Variants in NRG3 observed in about 807,000 individuals in gnomAD.
NRG3 encodes neuregulin 3.
In NRG3, 31 loss-of-function variants were observed where a neutral mutation model predicts 66.9. The ratio of observed to expected loss-of-function variants is 0.46; its 90% CI spans 0.35 to 0.63. NRG3 has a LOEUF of 0.63. Among genes scored for constraint, NRG3 ranks in the 20% least tolerant of loss-of-function variants. The probability of loss-of-function intolerance (pLI) is 0.00; values close to 1 mark genes in which losing one functional copy is unlikely to be tolerated. For missense variants in NRG3, 910 were observed against 878.9 expected (o/e 1.04, Z -0.45); for synonymous variants, 393 against 359.4 (o/e 1.09, Z -1.06).
At chr10:82,696,324 C>T (rs2055377572) in intron 2 of NRG3, among the ~76,000 whole-genome samples, 1 of 151,920 alleles carries the variant, frequency 6.6e-6, no homozygotes, top group Non-Finnish European at 1.5e-5. Context: ...AATTTGTAAT[C>T]ATGATGTATG....
intron 3 of NRG3, among the ~76,000 whole-genome samples, chr10:82,850,288 G>A (rs1178156453): frequency 6.6e-6 from 1 of 152,112 alleles, no homozygotes; most frequent in Non-Finnish European, 1.5e-5. Context: ...GAGCGATGAG[G>A]TTATCAACCA....
chr10:82,110,171 A>G (rs2067301672), intron 1 of NRG3, among the ~76,000 whole-genome samples: 1 of 152,164 alleles, frequency 6.6e-6, no homozygotes, highest in African/African-American at 2.4e-5. Flanking sequence ...TTTTGCCAGG[A>G]TAAGAAGGTT....
chr10:82,593,356 A>T (rs1416585706), intron 2 of NRG3, among the ~76,000 whole-genome samples: 3 of 152,210 alleles, frequency 2.0e-5, no homozygotes, highest in Non-Finnish European at 2.9e-5. Flanking sequence ...ATACCAACAA[A>T]CAAATATTAT....
intron 2 of NRG3, among the ~76,000 whole-genome samples, chr10:82,513,292 C>T (rs547266717): frequency 6.6e-6 from 1 of 152,146 alleles, no homozygotes; most frequent in African/African-American, 2.4e-5. Context: ...GACTTCATTC[C>T]TTTTTATGGC....
intron 3 of NRG3, among the ~76,000 whole-genome samples, chr10:82,807,199 TAA>T (rs1001604822): frequency 7.9e-5 from 12 of 152,160 alleles, no homozygotes; most frequent in Non-Finnish European, 1.5e-5. Flanking sequence ...TCAAAGTACA[TAA>T]AAAGACAAAT....
chr10:81,902,975 G>A (rs1382757908), intron 1 of NRG3, among the ~76,000 whole-genome samples: 1 of 152,004 alleles, frequency 6.6e-6, no homozygotes, highest in Non-Finnish European at 1.5e-5. Context: ...AGTTTGATGG[G>A]ACAGGTACTA....
At chr10:82,253,432 A>T (rs566604727) in intron 1 of NRG3, among the ~76,000 whole-genome samples, 124 of 152,316 alleles carry the variant, frequency 8.1e-4, no homozygotes, top group Admixed American at 1.6e-3. Context: ...TATGACATAC[A>T]TTCAGGTCAT....
intron 1 of NRG3, among the ~76,000 whole-genome samples, chr10:82,310,508 A>T (rs770781216): frequency 2.6e-5 from 4 of 152,226 alleles, no homozygotes; most frequent in Non-Finnish European, 5.9e-5. Context: ...ACAAAATTGA[A>T]AGAAAATGAA....
chr10:82,948,572 T>C (rs1347568600), intron 4 of NRG3, among the ~76,000 whole-genome samples: 2 of 152,136 alleles, frequency 1.3e-5, no homozygotes, highest in African/African-American at 4.8e-5. Context: ...TCCATAAACA[T>C]GTTATATCTA....
rs548000951 is a variant in NRG3, at chr10:82,480,145, A to G, written c.953+121277A>G. Among the ~76,000 whole-genome samples, 184 of 152,380 alleles carry G rather than the reference A, an allele frequency of 1.2e-3. 1 individual carries two copies. Among genetic ancestry groups the G allele is most frequent in the African/African-American group, 4.1e-3 (172 of 41,598 alleles). On this transcript the variant is annotated intron_variant, in intron 2 of 8. Coordinates refer to ENST00000372141, the MANE Select transcript of NRG3 (RefSeq NM_001010848.4). ...ATTTCATTCATAAGAAAGGTCAAAA[A>G]TTCACAAATTTAATTAGGACACAAA...
intron 2 of NRG3, among the ~76,000 whole-genome samples, chr10:82,531,248 A>G (rs1231678574): frequency 6.6e-6 from 1 of 151,766 alleles, no homozygotes; most frequent in Non-Finnish European, 1.5e-5. Flanking sequence ...ACAGGTAATT[A>G]AAAATAATGC....
chr10:82,869,747 A>G (rs1206931443), intron 4 of NRG3, among the ~76,000 whole-genome samples: 1 of 151,856 alleles, frequency 6.6e-6, no homozygotes, highest in African/African-American at 2.4e-5. Context: ...AGCTGGGACT[A>G]CAGGCACCCA....
chr10:82,618,334 A>T (rs766278582), intron 2 of NRG3, among the ~76,000 whole-genome samples: 1 of 151,940 alleles, frequency 6.6e-6, no homozygotes, highest in African/African-American at 2.4e-5. Context: ...ACGGGGGGGA[A>T]TTTATGCGGG....
chr10:82,453,463 C>T (rs143461144), intron 2 of NRG3, among the ~76,000 whole-genome samples: 130 of 152,146 alleles, frequency 8.5e-4, no homozygotes, highest in Middle Eastern at 3.4e-3. Context: ...CGATTTTGAC[C>T]ATTTCCAGGG....
chr10:82,269,047 C>A (rs932113506), intron 1 of NRG3, among the ~76,000 whole-genome samples: 5 of 152,106 alleles, frequency 3.3e-5, no homozygotes, highest in Non-Finnish European at 7.4e-5. Flanking sequence ...TCACTGCAAT[C>A]CTTTAAAAAA....
At chr10:81,964,353 A>G (rs1449624918) in intron 1 of NRG3, among the ~76,000 whole-genome samples, 1 of 146,650 alleles carries the variant, frequency 6.8e-6, no homozygotes, top group Admixed American at 7.1e-5. Flanking sequence ...CCAAGATTGC[A>G]TCGCTGCACT....
At chr10:82,479,385 C>T (rs1021610451) in intron 2 of NRG3, among the ~76,000 whole-genome samples, 3 of 151,790 alleles carry the variant, frequency 2.0e-5, no homozygotes, top group Non-Finnish European at 4.4e-5. Flanking sequence ...GATATGCACG[C>T]GTGTGTAGTC....
chr10:82,228,226 C>T (rs1385620177), intron 1 of NRG3, among the ~76,000 whole-genome samples: 2 of 152,136 alleles, frequency 1.3e-5, no homozygotes, highest in East Asian at 3.8e-4. Context: ...GAGTGATTCA[C>T]AAGATAGTAT....
chr10:82,628,917 G>A (rs1269857198), intron 2 of NRG3, among the ~76,000 whole-genome samples: 1 of 152,132 alleles, frequency 6.6e-6, no homozygotes, highest in Non-Finnish European at 1.5e-5. Context: ...AGAGTGTATT[G>A]GAAAAAGCAC....
Sources: allele counts gnomAD v4.1 joint callset (sites outside exome capture counted in the v4.1 genomes callset), GRCh38; gene constraint gnomAD v4.1.1; transcripts MANE v1.5; gene names NCBI Gene and HGNC (gene_info 2026-07-23, HGNC 2026-07-21).